The following TDRD6 variants were observed in gnomAD, a reference collection of about 807,000 sequenced individuals.
TDRD6 encodes tudor domain containing 6.
In TDRD6, 186 loss-of-function variants were observed where a neutral mutation model predicts 157.5. The observed-to-expected ratio is 1.18, with a 90% CI of 1.05 to 1.33. The LOEUF (loss-of-function observed/expected upper bound fraction) is 1.33, where lower values mean the gene tolerates loss of function less well. Ranked by LOEUF, TDRD6 falls within the 40% of genes most tolerant of loss-of-function variation. The pLI is 0.00. For synonymous variants in TDRD6, 1,075 were observed against 945.2 expected (o/e 1.14, Z -2.52); for missense variants, 3,066 against 2,508.0 (o/e 1.22, Z -4.75).
At chr6:46,698,712 TC>T (rs1476732535) in intron 3 of TDRD6, among the ~76,000 whole-genome samples, 1 of 152,230 alleles carries the variant, frequency 6.6e-6, no homozygotes, top group Non-Finnish European at 1.5e-5. Flanking sequence ...CTGTTGATTT[TC>T]TTTTCCCTAG....
intron 3 of TDRD6, among the ~76,000 whole-genome samples, chr6:46,699,999 T>C (rs1383507972): frequency 6.6e-6 from 1 of 152,148 alleles, no homozygotes; most frequent in Admixed American, 6.5e-5. Context: ...AATGAATATC[T>C]CTCTTTATGT....
At position 46,693,222 on chromosome 6, in the gene TDRD6, T is replaced by G. The variant is rs751731626; in HGVS notation, c.5094T>G (p.Tyr1698Ter). The G allele has an allele frequency of 2.0e-5, 33 of 1,612,980 alleles. No homozygotes were observed. In the Admixed American group the frequency reaches 2.7e-4, roughly 13 times the overall value. ...GKSINEKMEK[Y>*]SKTGIKSALP... Reference sequence around the variant, plus strand: ...GTATTAATGAGAAAATGGAGAAATATTCTAAGACTGGTATTAAAAGTGCTC... The same window carrying G: ...GTATTAATGAGAAAATGGAGAAATAGTCTAAGACTGGTATTAAAAGTGCTC... The change falls in exon 1 of 4, where the codon TAT becomes TAG. Residue 1698 changes from tyrosine (Y) to a stop codon, truncating the protein, a stop_gained. Transcript: ENST00000316081. LOFTEE classifies it high-confidence loss of function.
Position 46,695,907 on chromosome 6 carries a change from A to C in TDRD6, c.6133A>C (p.Lys2045Gln). 3 of 1,613,628 alleles carry C rather than the reference A, an allele frequency of 1.9e-6. No individual in the cohort carries two copies. The highest frequency in any genetic ancestry group is 2.5e-6 in the Non-Finnish European group (3 of 1,179,692). The change falls in exon 2 of 4, where the codon AAA becomes CAA. Residue 2045 changes from lysine to glutamine, a missense_variant. Lys to Gln is a moderately conservative substitution (Grantham distance 53). Transcript: ENST00000316081. The part of the protein sequence containing the change: ...VWSSLRNTWS[K>Q]CEILETAEEG... ...GTCAAGTCTAAGAAACACATGGTCT[A>C]AATGTGAGATTTTAGAAACAGCTGA...
rs764125195 is a variant in TDRD6, at chr6:46,694,074, T to C, written c.5946T>C (p.Tyr1982=). 2.5e-6 allele frequency: 4 copies of C among 1,613,282 alleles called. No homozygotes were observed. The East Asian group carries it at 8.9e-5, about 36-fold the overall frequency. ...TATGTGAAGAAGAATTTGTAGAGTA[T>C]AAAAACAGGGATGCCATTTCGGCAT... The part of the protein sequence containing the change: ...MNICEEEFVE[Y]KNRDAISALM... Residue 1982 remains tyrosine, a synonymous_variant, in exon 1 of 4, where the codon TAT becomes TAC. Coordinates refer to ENST00000316081, the MANE Select transcript of TDRD6 (RefSeq NM_001010870.3).
chr6:46,688,141 C>G lies in TDRD6; in HGVS notation c.13C>G (p.Pro5Ala). Residue 5 changes from proline to alanine, a missense_variant, in exon 1 of 4, where the codon CCC becomes GCC. Physicochemically the swap from Pro to Ala is conservative, Grantham distance 27 (BLOSUM62 -1). Coordinates refer to ENST00000316081, the MANE Select transcript of TDRD6 (RefSeq NM_001010870.3). ...CCGCGCCGTCAAGATGTGCTCGACGCCCGGAATGCCGGCGCCGGGGGCCTC... is the reference window on the plus strand; with the variant it reads ...CCGCGCCGTCAAGATGTGCTCGACGGCCGGAATGCCGGCGCCGGGGGCCTC... MCST[P>A]GMPAPGASLA... is the part of the protein sequence containing the mutation. 1 of 1,539,008 alleles carries G rather than the reference C, an allele frequency of 6.5e-7. No homozygotes were observed. The highest frequency in any genetic ancestry group is 1.2e-5 in the South Asian group (1 of 84,546).
At chr6:46,699,864 A>G (rs1230005533) in intron 3 of TDRD6, among the ~76,000 whole-genome samples, 2 of 152,196 alleles carry the variant, frequency 1.3e-5, no homozygotes, top group African/African-American at 4.8e-5. Flanking sequence ...GGCTGCACCC[A>G]GAAGGCCATA....
upstream of TDRD6, among the ~76,000 whole-genome samples, chr6:46,683,358 TA>T: frequency 6.6e-6 from 1 of 152,082 alleles, no homozygotes; most frequent in East Asian, 1.9e-4. Flanking sequence ...ATAAAACTTC[TA>T]AACAAAAACA....
rs921093935 is a variant in TDRD6, at chr6:46,701,947, A to C, written c.*60A>C. 3.8e-6 allele frequency: 6 copies of C among 1,559,808 alleles called. No homozygotes were observed. The highest frequency in any genetic ancestry group is 2.6e-6 in the Non-Finnish European group (3 of 1,135,714). On this transcript the variant is annotated 3_prime_UTR_variant, in exon 4 of 4. Coordinates refer to ENST00000316081, the MANE Select transcript of TDRD6 (RefSeq NM_001010870.3). ...GCTGCCCTTGAACAAGTGGCATCTTACGCAGACCAACAGAGTATTTGAGAA... is the reference window on the plus strand; with the variant it reads ...GCTGCCCTTGAACAAGTGGCATCTTCCGCAGACCAACAGAGTATTTGAGAA...
upstream of TDRD6, among the ~76,000 whole-genome samples, chr6:46,683,506 C>A (rs1764011852): frequency 6.6e-6 from 1 of 151,830 alleles, no homozygotes; most frequent in Non-Finnish European, 1.5e-5. Context: ...ATCAAAATTA[C>A]AAATTTTCTT....
intron 1 of TDRD6, among the ~76,000 whole-genome samples, 185 bp downstream of exon 1, chr6:46,694,359 C>T (rs1209622838): frequency 6.6e-6 from 1 of 151,918 alleles, no homozygotes; most frequent in Non-Finnish European, 1.5e-5. Context: ...TGTGCCACCA[C>T]ACCCAGCTTA....
Position 46,695,828 on chromosome 6 carries a change from A to G in TDRD6, c.6054A>G (p.Leu2018=). 1 of 1,612,986 alleles carries G rather than the reference A, an allele frequency of 6.2e-7. No individual in the cohort carries two copies. Among genetic ancestry groups the G allele is most frequent in the Non-Finnish European group, 8.5e-7 (1 of 1,179,528 alleles). Residue 2018 remains leucine (L), a synonymous_variant, in exon 2 of 4, where the codon CTA becomes CTG. Coordinates refer to ENST00000316081, the MANE Select transcript of TDRD6 (RefSeq NM_001010870.3). ...NGLPDHISAQ[L]QNTYTLKAFT... is the part of the protein sequence containing the mutation. ...CTCAATTCAATTTGGCAGCTCAACTACAGAACACCTACACTCTGAAAGCCT... is the reference window on the plus strand; with the variant it reads ...CTCAATTCAATTTGGCAGCTCAACTGCAGAACACCTACACTCTGAAAGCCT...
chr6:46,703,448 A>G lies in TDRD6; in HGVS notation c.*1561A>G, dbSNP rs1231826197. The G allele has an allele frequency of 6.6e-6, 1 of 152,088 alleles. No individual in the cohort carries two copies. Among genetic ancestry groups the G allele is most frequent in the African/African-American group, 2.4e-5 (1 of 41,462 alleles). The allele number at this position is 152,088 out of a possible 1,614,324, so 9.4% of individuals were successfully genotyped here. A position where few individuals can be genotyped will look rare whatever the true frequency, so the allele number is the denominator to read the frequency against. On this transcript the variant is annotated 3_prime_UTR_variant, in exon 4 of 4. Coordinates refer to ENST00000316081, the MANE Select transcript of TDRD6 (RefSeq NM_001010870.3). ...AGAGAAGATGCATTAGGATCAGATT[A>G]TAGGAAGCCTTCAATTTCAAGCTGA...
At position 46,687,890 on chromosome 6, in the gene TDRD6, C is replaced by G. The variant is rs915202794; in HGVS notation, c.-239C>G. ...GCGCCGAGTGAGGTAAATGCGTGCC[C>G]GGAAGCGCGACCTCGGGCGGTTGGA... is the stretch of plus-strand genomic sequence containing the variant. On this transcript the variant is annotated 5_prime_UTR_variant, in exon 1 of 4. Transcript: ENST00000316081. 2 of 535,976 alleles carry G rather than the reference C, an allele frequency of 3.7e-6. No individual in the cohort carries two copies. The highest frequency in any genetic ancestry group is 2.0e-5 in the African/African-American group (1 of 49,338). The allele number at this position is 535,976 out of a possible 1,614,324, so 33.2% of individuals were successfully genotyped here.
chr6:46,689,946 G>A lies in TDRD6; in HGVS notation c.1818G>A (p.Trp606Ter). Residue 606 changes from tryptophan to a stop codon, truncating the protein, a stop_gained, in exon 1 of 4, where the codon TGG becomes TGA. Transcript: ENST00000316081. LOFTEE classifies it high-confidence loss of function. ...LAVKCTLADI[W>*]PLGKTWSQEA... is the part of the protein sequence containing the mutation. ...TGAAGTGCACCCTGGCTGATATTTG[G>A]CCTTTGGGAAAAACTTGGAGCCAGG... is the stretch of plus-strand genomic sequence containing the variant. The A allele has an allele frequency of 6.2e-7, 1 of 1,614,052 alleles. No individual in the cohort carries two copies.
At chr6:46,696,691 A>C (rs1454071213) in intron 2 of TDRD6, among the ~76,000 whole-genome samples, 3 of 135,280 alleles carry the variant, frequency 2.2e-5, no homozygotes, top group Non-Finnish European at 4.6e-5. Flanking sequence ...GGCTCACTGC[A>C]AGCTCTGCCT....
chr6:46,688,300 G>A lies in TDRD6; in HGVS notation c.172G>A (p.Gly58Ser), dbSNP rs771300643. 7.3e-6 allele frequency: 11 copies of A among 1,502,312 alleles called. No homozygotes were observed. The South Asian group carries it at 1.3e-4, about 17-fold the overall frequency. 93.1% of individuals were successfully genotyped at this position (1,502,312 alleles called of 1,614,324 possible). A position where few individuals can be genotyped will look rare whatever the true frequency, so the allele number is the denominator to read the frequency against. The change falls in exon 1 of 4, where the codon GGC becomes AGC. Residue 58 changes from glycine (G) to serine (S), a missense_variant. Coordinates refer to ENST00000316081, the MANE Select transcript of TDRD6 (RefSeq NM_001010870.3). The stretch of plus-strand genomic sequence containing the variant: ...AATCCAGGAAGCGGCGGCCACGCGC[G>A]GCCAGTGGGCGCTGGGCAGCGCCTC... ...REIQEAAATR[G>S]QWALGSASAS...
At chr6:46,696,601 ATTTT>A (rs1157915506) in intron 2 of TDRD6, among the ~76,000 whole-genome samples, 2 of 11,540 alleles carry the variant, frequency 1.7e-4, no homozygotes, top group Non-Finnish European at 3.0e-4. Context: ...ATATATATAT[ATTTT>A]TTTTTTTTTT....
At position 46,693,704 on chromosome 6, in the gene TDRD6, C is replaced by T. The variant is rs779978559; in HGVS notation, c.5576C>T (p.Ser1859Phe). The T allele has an allele frequency of 1.2e-6, 2 of 1,614,160 alleles. No homozygotes were observed. The highest frequency in any genetic ancestry group is 2.2e-5 in the East Asian group (1 of 44,888). ...CTGGAATCTATTGAGTTACAGAATT[C>T]TCTGGTGGTGGATGAAGAAAAAGGG... is the stretch of plus-strand genomic sequence containing the variant. ...LELESIELQN[S>F]LVVDEEKGEL... is the part of the protein sequence containing the mutation. The change falls in exon 1 of 4, where the codon TCT (serine) becomes TTT (phenylalanine). Residue 1859 changes from serine to phenylalanine, a missense_variant. Physicochemically the swap from Ser to Phe is radical, Grantham distance 155. Coordinates refer to ENST00000316081, the MANE Select transcript of TDRD6 (RefSeq NM_001010870.3).
At chr6:46,681,732 T>G in the TDRD6 span, among the ~76,000 whole-genome samples, 1 of 152,238 alleles carries the variant, frequency 6.6e-6, no homozygotes, top group African/African-American at 2.4e-5. Flanking sequence ...TGTCCTGATA[T>G]AGTTCTGAGT....
Sources: gnomAD v4.1 joint callset for allele counts (sites outside exome capture counted in the v4.1 genomes callset) on GRCh38, gnomAD v4.1.1 for gene constraint, MANE v1.5 for transcripts, NCBI Gene and HGNC (gene_info 2026-07-23, HGNC 2026-07-21) for gene names.